The following SLC38A1 variants were observed in gnomAD, a reference collection of about 807,000 sequenced individuals.
The protein encoded by SLC38A1 is sodium-coupled neutral amino acid symporter 1.
A neutral mutation model predicts 60.3 loss-of-function variants in SLC38A1; 18 were observed. The observed-to-expected ratio is 0.30, with a 90% CI of 0.21 to 0.44. SLC38A1 has a LOEUF of 0.44. SLC38A1 is among the 20% of genes least tolerant of loss of function. The pLI is 1.00. For missense variants in SLC38A1, 448 were observed against 587.2 expected (o/e 0.76, Z 2.45); for synonymous variants, 196 against 212.1 (o/e 0.92, Z 0.66).
In SLC38A1 at chr12:46,211,204, G is replaced by A. The variant is rs1037732253; in HGVS notation, c.315-2077C>T. ...ATGTGACAGGCCCTAGAGGATTTCC[G>A]TGTGGCACAGAAGAGCACAGGCTTC... On this transcript the variant is annotated intron_variant, in intron 5 of 16. Coordinates refer to ENST00000398637, the MANE Select transcript of SLC38A1 (RefSeq NM_030674.4). Among the ~76,000 whole-genome samples the A allele has an allele frequency of 7.2e-5, 11 of 152,306 alleles. No homozygotes were observed. In the East Asian group the frequency reaches 7.7e-4, roughly 11 times the overall value.
intron 9 of SLC38A1, 112 bp from the exon 10 acceptor site, chr12:46,204,702 A>G: frequency 4.2e-6 from 3 of 708,078 alleles, no homozygotes; most frequent in East Asian, 2.7e-5. Flanking sequence ...CACTTATTTC[A>G]GTGCATTATT....
intron 1 of SLC38A1, among the ~76,000 whole-genome samples, chr12:46,255,990 A>G (rs1243662834): frequency 3.3e-5 from 5 of 151,976 alleles, no homozygotes; most frequent in African/African-American, 1.2e-4. Context: ...GGTGAAAGAA[A>G]CCCTGTCTCT....
intron 16 of SLC38A1, among the ~76,000 whole-genome samples, chr12:46,191,754 G>T (rs889728636): frequency 4.6e-5 from 7 of 152,064 alleles, no homozygotes; most frequent in African/African-American, 1.2e-4. Flanking sequence ...TATAGGAATG[G>T]TTGTGATTTT....
intron 1 of SLC38A1, among the ~76,000 whole-genome samples, chr12:46,253,057 G>T (rs949749724): frequency 1.4e-4 from 21 of 151,198 alleles, no homozygotes; most frequent in Admixed American, 1.1e-3. Context: ...GTTATAAAGA[G>T]TTTGGGGAGG....
intron 1 of SLC38A1, among the ~76,000 whole-genome samples, chr12:46,257,499 C>A (rs1302685839): frequency 6.6e-6 from 1 of 152,208 alleles, no homozygotes; most frequent in African/African-American, 2.4e-5. Context: ...ATTCTTTACC[C>A]AGGTACCCCA....
rs1233774377 is a variant in SLC38A1 at position 46,239,866 on chromosome 12, T to C, written c.-66A>G. On this transcript the variant is annotated 5_prime_UTR_variant, in exon 3 of 17. Coordinates refer to ENST00000398637, the MANE Select transcript of SLC38A1 (RefSeq NM_030674.4). ...CTCCTGTTCTGAGTGTATTTAGAAG[T>C]AGATACCAAAATGGAAGCTTGACAC... 3.9e-6 allele frequency: 6 copies of C among 1,547,420 alleles called. No individual in the cohort carries two copies. The highest frequency in any genetic ancestry group is 1.7e-5 in the Admixed American group (1 of 57,712).
intron 16 of SLC38A1, among the ~76,000 whole-genome samples, chr12:46,190,763 GC>G (rs1939113120): frequency 6.6e-6 from 1 of 152,120 alleles, no homozygotes; most frequent in African/African-American, 2.4e-5. Flanking sequence ...CATATCCTTT[GC>G]CCACTTTTTG....
chr12:46,199,307 TTGTGTGTGTGTGTG>T (rs71067986), intron 13 of SLC38A1, among the ~76,000 whole-genome samples: 1,428 of 125,312 alleles, frequency 0.011, 22 homozygotes, highest in South Asian at 0.084. Flanking sequence ...ATGTACTACT[TTGTGTGTGTGTGTG>T]TGTGTGTGTG....
At chr12:46,250,485 C>A (rs1941797377) in intron 1 of SLC38A1, among the ~76,000 whole-genome samples, 10 of 152,108 alleles carry the variant, frequency 6.6e-5, no homozygotes, top group Admixed American at 4.6e-4. Flanking sequence ...AAGTTCTGGC[C>A]AGGGCAATCA....
chr12:46,265,537 T>A (rs1942325568), intron 1 of SLC38A1, among the ~76,000 whole-genome samples: 2 of 152,078 alleles, frequency 1.3e-5, no homozygotes, highest in South Asian at 4.2e-4. Flanking sequence ...GGGTGAACTG[T>A]GAGAAAGAAA....
At chr12:46,249,701 A>G (rs1455508188) in intron 1 of SLC38A1, among the ~76,000 whole-genome samples, 1 of 152,222 alleles carries the variant, frequency 6.6e-6, no homozygotes, top group Non-Finnish European at 1.5e-5. Flanking sequence ...AGAGAATACT[A>G]TAAACACCTC....
chr12:46,195,474 G>A (rs892724114), intron 16 of SLC38A1, among the ~76,000 whole-genome samples: 3 of 152,152 alleles, frequency 2.0e-5, no homozygotes, highest in Non-Finnish European at 4.4e-5. Flanking sequence ...GCTCTCTTTA[G>A]AGCCATCAGA....
intron 13 of SLC38A1, among the ~76,000 whole-genome samples, chr12:46,200,554 G>A (rs1939611192): frequency 1.3e-5 from 2 of 152,140 alleles, no homozygotes; most frequent in South Asian, 4.1e-4. Flanking sequence ...TGTTCATTCA[G>A]GGTCAGTAAA....
chr12:46,249,831 T>A (rs1433254372), intron 1 of SLC38A1, among the ~76,000 whole-genome samples: 1 of 152,154 alleles, frequency 6.6e-6, no homozygotes, highest in African/African-American at 2.4e-5. Flanking sequence ...GGCTGTGAAA[T>A]TGAGGCAATA....
intron 16 of SLC38A1, chr12:46,196,344 C>G (rs149687454): frequency 0.011 from 16,692 of 1,523,374 alleles, 114 homozygotes; most frequent in Middle Eastern, 0.024. Flanking sequence ...TGGGTCCAGT[C>G]TAACTCCCAG....
At chr12:46,211,877 C>T (rs567977661) in intron 5 of SLC38A1, among the ~76,000 whole-genome samples, 6 of 152,242 alleles carry the variant, frequency 3.9e-5, no homozygotes, top group Non-Finnish European at 8.8e-5. Context: ...TAGATCTTCT[C>T]TTCCAAGACT....
At chr12:46,221,551 C>T (rs1207913268) in intron 5 of SLC38A1, among the ~76,000 whole-genome samples, 1 of 152,156 alleles carries the variant, frequency 6.6e-6, no homozygotes, top group Admixed American at 6.5e-5. Context: ...AAATTTGCAA[C>T]AATAATGAAA....
chr12:46,202,540 C>T (rs1939708614), intron 12 of SLC38A1, among the ~76,000 whole-genome samples: 2 of 152,120 alleles, frequency 1.3e-5, no homozygotes, highest in Non-Finnish European at 2.9e-5. Context: ...CAGCAATATT[C>T]TCTTTTCCTA....
chr12:46,239,991 T>C (rs1201471241), intron 2 of SLC38A1, 98 bp from the exon 3 acceptor site: 5 of 552,648 alleles, frequency 9.0e-6, no homozygotes, highest in Non-Finnish European at 1.6e-5. Flanking sequence ...TTACTGATTA[T>C]ACAATTTTAC....
Sources: allele counts gnomAD v4.1 joint callset (sites outside exome capture counted in the v4.1 genomes callset), GRCh38; gene constraint gnomAD v4.1.1; transcripts MANE v1.5; gene names NCBI Gene and HGNC (gene_info 2026-07-23, HGNC 2026-07-21).